ZNF273: variants seen among roughly 807,000 people sequenced by gnomAD.
The protein encoded by ZNF273 is zinc finger protein 9.
ZNF273 carries 11 observed loss-of-function variants against 14.9 expected under a neutral mutation model. The ratio of observed to expected loss-of-function variants is 0.74; its 90% CI spans 0.46 to 1.22. The LOEUF (loss-of-function observed/expected upper bound fraction) is 1.22, where lower values mean the gene tolerates loss of function less well. Among genes scored for constraint, ZNF273 ranks in the 50% most tolerant of loss-of-function variants. ZNF273 has a pLI of 0.00. For synonymous variants in ZNF273, 199 were observed against 223.9 expected, an observed-to-expected ratio of 0.89 and a Z score of 0.99; for missense variants, 577 against 660.6, an observed-to-expected ratio of 0.87 and a Z score of 1.39.
chr7:64,915,523 T>C (rs1275484894), intron 1 of ZNF273, among the ~76,000 whole-genome samples: 2 of 152,378 alleles, frequency 1.3e-5, no homozygotes, highest in East Asian at 3.9e-4. Context: ...GGGCTACTTA[T>C]CTGCAGCAGG....
At chr7:64,926,872 A>G (rs577850314) in intron 3 of ZNF273, among the ~76,000 whole-genome samples, 1 of 152,278 alleles carries the variant, frequency 6.6e-6, no homozygotes, top group Non-Finnish European at 1.5e-5. Context: ...ATCACTTGCT[A>G]CACCTGTTCC....
At chr7:64,886,772 C>T (rs566653888) in intron 1 of ZNF273, among the ~76,000 whole-genome samples, 24 of 152,316 alleles carry the variant, frequency 1.6e-4, no homozygotes, top group African/African-American at 5.8e-4. Context: ...ATGAGGTGAC[C>T]TACGATGCTT....
chr7:64,933,337 A>G (rs1442397620), downstream of ZNF273: 2 of 151,992 alleles, frequency 1.3e-5, no homozygotes, highest in Admixed American at 1.3e-4. Context: ...ATTCTTAGTC[A>G]CCTATCTGTA....
upstream of ZNF273, among the ~76,000 whole-genome samples, chr7:64,902,452 A>T (rs1238090314): frequency 6.6e-6 from 1 of 151,994 alleles, no homozygotes; most frequent in African/African-American, 2.4e-5. Flanking sequence ...TTCTGAGGCC[A>T]GGCGCGGTGG....
At position 64,909,287 on chromosome 7, in the gene ZNF273, C is replaced by T. The variant is rs184337197; in HGVS notation, c.102+5868C>T. 2.6e-3 allele frequency among the ~76,000 whole-genome samples: 392 copies of T among 151,220 alleles called. 5 individuals carry two copies. The highest frequency in any genetic ancestry group is 9.2e-3 in the African/African-American group (378 of 41,146). The stretch of plus-strand genomic sequence containing the variant: ...TCGCCCAGACTGGAGTGCAGTGGCA[C>T]GATATTGGCTCACTGCAGCCTCCAC... On this transcript the variant is annotated intron_variant, in intron 1 of 3. Transcript: ENST00000476120.
upstream of ZNF273, among the ~76,000 whole-genome samples, chr7:64,898,906 T>C (rs530049329): frequency 3.3e-5 from 5 of 152,380 alleles, no homozygotes; most frequent in African/African-American, 1.2e-4. Flanking sequence ...TAATGGCATT[T>C]GTTCCCCATA....
chr7:64,927,655 T>G lies in ZNF273; in HGVS notation c.327T>G (p.Val109=), dbSNP rs1378027329. Residue 109 remains valine (V), a splice_region_variant and synonymous_variant, in exon 4 of 4, where the codon GTT becomes GTG. Transcript: ENST00000476120. ...KRHAMVAKPP[V]VCSHFAQDLW... is the part of the protein sequence containing the mutation. ...AATTGTTACTTTTATTTCTTTCAGT[T>G]GTGTGTTCTCATTTTGCCCAAGACC... The G allele has an allele frequency of 6.4e-7, 1 of 1,559,786 alleles. No homozygotes were observed. Among genetic ancestry groups the G allele is most frequent in the Non-Finnish European group, 8.6e-7 (1 of 1,158,900 alleles).
chr7:64,936,232 G>A, the ZNF273 span, among the ~76,000 whole-genome samples: 78 of 152,326 alleles, frequency 5.1e-4, no homozygotes, highest in African/African-American at 1.7e-3. Context: ...GCAAATAACT[G>A]TAGAAAACTG....
At position 64,928,239 on chromosome 7, in the gene ZNF273, T is replaced by C. The variant is rs1459809145; in HGVS notation, c.911T>C (p.Val304Ala). ...GGCAAAGTCTTTAGTGTATTTTCAGTCCTTACTAAACATAAGATAATTCAT... is the reference window on the plus strand; with the variant it reads ...GGCAAAGTCTTTAGTGTATTTTCAGCCCTTACTAAACATAAGATAATTCAT... ...DCGKVFSVFS[V>A]LTKHKIIHTG... is the part of the protein sequence containing the mutation. The change falls in exon 4 of 4, where the codon GTC (valine) becomes GCC (alanine). Residue 304 changes from valine (V) to alanine (A), a missense_variant. This residue lies in a region of ZNF273 where 411 missense variants were observed against 440.4 expected (regional missense o/e 0.93). Coordinates refer to ENST00000476120, the MANE Select transcript of ZNF273 (RefSeq NM_021148.3). The C allele has an allele frequency of 6.2e-7, 1 of 1,612,834 alleles. No homozygotes were observed. The highest frequency in any genetic ancestry group is 8.5e-7 in the Non-Finnish European group (1 of 1,179,626).
In ZNF273 at chr7:64,887,735, T is replaced by C. The variant is rs1791679341; in HGVS notation, n.274-838T>C. ...GGCTGGTCTTGAACTCCTGACCTCA[T>C]GATCTGCCCGCCTCGACCTCCCAGA... On this transcript the variant is annotated intron_variant and non_coding_transcript_variant, in intron 1 of 1. Coordinates refer to the ZNF273 transcript ENST00000471926. Among the ~76,000 whole-genome samples, 7 of 152,030 alleles carry C rather than the reference T, an allele frequency of 4.6e-5. No individual in the cohort carries two copies. In the South Asian group the frequency reaches 1.5e-3, roughly 32 times the overall value.
At chr7:64,878,002 C>G (rs994381206) in intron 1 of ZNF273, 1 of 152,012 alleles carries the variant, frequency 6.6e-6, no homozygotes, top group South Asian at 2.0e-4. Context: ...TGTTGGATGT[C>G]TGCGTGTGTG....
At chr7:64,895,097 G>A (rs541044948) in intron 3 of ZNF273, among the ~76,000 whole-genome samples, 13 of 152,046 alleles carry the variant, frequency 8.6e-5, no homozygotes, top group South Asian at 2.1e-4. Context: ...TAATCGTGCC[G>A]CTGCACTCCA....
downstream of ZNF273, among the ~76,000 whole-genome samples, chr7:64,883,215 C>A (rs1791353409): frequency 1.7e-5 from 1 of 57,846 alleles, no homozygotes. Flanking sequence ...CAAATCACCA[C>A]CCCCCCCTCA....
chr7:64,921,605 C>T lies in ZNF273; in HGVS notation c.325+3313C>T, dbSNP rs1358652937. Among the ~76,000 whole-genome samples, 27 of 57,950 alleles carry T rather than the reference C, an allele frequency of 4.7e-4. 1 individual carries two copies. Among genetic ancestry groups the T allele is most frequent in the African/African-American group, 1.1e-3 (17 of 15,042 alleles). 38.0% of individuals were successfully genotyped at this position (57,950 alleles called of 152,430 possible). The stretch of plus-strand genomic sequence containing the variant: ...TATCAATCTTTGCTTCATGCTAATG[C>T]TTTTTTTTTTTTTTTTTTTTTTTTT... On this transcript the variant is annotated intron_variant, in intron 3 of 3. Coordinates refer to ENST00000476120, the MANE Select transcript of ZNF273 (RefSeq NM_021148.3).
chr7:64,911,630 A>G (rs1793520667), intron 1 of ZNF273, among the ~76,000 whole-genome samples: 1 of 18,424 alleles, frequency 5.4e-5, no homozygotes, highest in Non-Finnish European at 2.5e-3. Flanking sequence ...TATTTATTTG[A>G]ATCGTCATTA....
intron 1 of ZNF273, among the ~76,000 whole-genome samples, chr7:64,915,318 G>GAC (rs72304800): frequency 0.11 from 16,566 of 152,094 alleles, 1,462 homozygotes; most frequent in African/African-American, 0.24. Flanking sequence ...AGGAATTAAA[G>GAC]ACACACACAG....
chr7:64,894,591 T>TA (rs11334125), downstream of ZNF273, among the ~76,000 whole-genome samples: 1,698 of 148,574 alleles, frequency 0.011, 15 homozygotes, highest in Non-Finnish European at 0.014. Context: ...GTCACAACAG[T>TA]AAAAAAAAAA....
At chr7:64,903,066 A>G (rs1792830817), upstream of ZNF273, among the ~76,000 whole-genome samples, 1 of 152,200 alleles carries the variant, frequency 6.6e-6, no homozygotes, top group Non-Finnish European at 1.5e-5. Flanking sequence ...GGCTCAGTTC[A>G]GGGAGGAAGC....
At chr7:64,877,771 A>G (rs1225395106) in exon 1 of ZNF273, 2 of 152,382 alleles carry the variant, frequency 1.3e-5, no homozygotes, top group African/African-American at 4.8e-5. Flanking sequence ...AGCGGAGCCC[A>G]AGGGATACAG....
Sources: allele counts gnomAD v4.1 joint callset (sites outside exome capture counted in the v4.1 genomes callset), GRCh38; gene constraint gnomAD v4.1.1; regional missense constraint gnomAD v4.1.1; transcripts MANE v1.5; gene names NCBI Gene and HGNC (gene_info 2026-07-23, HGNC 2026-07-21).